ADGB: variants seen among roughly 807,000 people sequenced by gnomAD.
ADGB encodes the protein calpain-7-like protein.
ADGB carries 172 observed loss-of-function variants against 210.5 expected under a neutral mutation model. The observed-to-expected ratio is 0.82, with a 90% CI of 0.72 to 0.93. The LOEUF (loss-of-function observed/expected upper bound fraction) is 0.93. Ranked by LOEUF, ADGB falls within the 40% of genes least tolerant of loss-of-function variation. The pLI is 0.00. For missense variants in ADGB, 2,025 were observed against 1,964.8 expected (o/e 1.03, Z -0.58); for synonymous variants, 658 against 662.7 (o/e 0.99, Z 0.11).
At chr6:146,640,045 CA>C (rs1354808675) in intron 2 of ADGB, among the ~76,000 whole-genome samples, 1 of 151,698 alleles carries the variant, frequency 6.6e-6, no homozygotes, top group Non-Finnish European at 1.5e-5. Context: ...AAAGAATATC[CA>C]AATAAACACT....
chr6:146,717,164 T>C, intron 15 of ADGB, 95 bp downstream of exon 15: 1 of 1,062,854 alleles, frequency 9.4e-7, no homozygotes, highest in Non-Finnish European at 1.3e-6. Flanking sequence ...TATTTTTGCA[T>C]ATTTAATATA....
At chr6:146,651,526 G>T (rs548953923) in intron 3 of ADGB, among the ~76,000 whole-genome samples, 1 of 152,290 alleles carries the variant, frequency 6.6e-6, no homozygotes, top group African/African-American at 2.4e-5. Context: ...GGAAAACTTG[G>T]TAGGCGAAAC....
chr6:146,786,436 A>G (rs544088499), intron 32 of ADGB, among the ~76,000 whole-genome samples: 35 of 152,170 alleles, frequency 2.3e-4, no homozygotes. Flanking sequence ...ATTTTTGTAT[A>G]TTCAGGAATG....
At chr6:146,639,689 A>G (rs1481518290) in intron 2 of ADGB, 1 of 152,028 alleles carries the variant, frequency 6.6e-6, no homozygotes, top group Non-Finnish European at 1.5e-5. Context: ...AGGATGCAAA[A>G]TCAGTATACA....
intron 12 of ADGB, among the ~76,000 whole-genome samples, chr6:146,695,090 G>A (rs897655390): frequency 3.9e-5 from 6 of 152,014 alleles, no homozygotes; most frequent in Non-Finnish European, 7.4e-5. Context: ...TTACTATACT[G>A]TCTTCTAACA....
intron 1 of ADGB, among the ~76,000 whole-genome samples, chr6:146,610,720 G>A (rs1353598438): frequency 1.3e-5 from 2 of 152,124 alleles, no homozygotes; most frequent in Non-Finnish European, 2.9e-5. Flanking sequence ...TGCATTGGAG[G>A]GGCCAAGATA....
At chr6:146,808,043 A>T (rs1261724186) in intron 35 of ADGB, among the ~76,000 whole-genome samples, 5 of 118,006 alleles carry the variant, frequency 4.2e-5, no homozygotes, top group African/African-American at 1.6e-4. Flanking sequence ...TCTGTTGCCC[A>T]GGCTGGAGTG....
At chr6:146,766,459 TTAAATTAAATTAAAC>T in intron 28 of ADGB, among the ~76,000 whole-genome samples, 1 of 148,530 alleles carries the variant, frequency 6.7e-6, no homozygotes, top group South Asian at 2.1e-4. Flanking sequence ...TTAAATTAAA[TTAAATTAAATTAAAC>T]TAAATTAAAC....
At chr6:146,647,094 A>G (rs890226224) in intron 3 of ADGB, among the ~76,000 whole-genome samples, 1 of 145,018 alleles carries the variant, frequency 6.9e-6, no homozygotes, top group Non-Finnish European at 1.5e-5. Flanking sequence ...GTCTCAAAAA[A>G]AAACAAAAAA....
At chr6:146,678,538 T>C (rs989248761) in intron 9 of ADGB, among the ~76,000 whole-genome samples, 1 of 152,182 alleles carries the variant, frequency 6.6e-6, no homozygotes, top group Admixed American at 6.6e-5. Flanking sequence ...ATATTGTTTA[T>C]TGATGATTTG....
intron 33 of ADGB, among the ~76,000 whole-genome samples, chr6:146,794,439 T>C (rs1265925919): frequency 1.3e-5 from 2 of 152,226 alleles, no homozygotes; most frequent in Admixed American, 6.5e-5. Flanking sequence ...AAGTTTATCA[T>C]GATTTTGTAT....
intron 12 of ADGB, among the ~76,000 whole-genome samples, chr6:146,694,787 T>G (rs1776381963): frequency 6.6e-6 from 1 of 152,186 alleles, no homozygotes; most frequent in Non-Finnish European, 1.5e-5. Context: ...TGTAAGTTAT[T>G]TTCCAGTCCC....
At chr6:146,614,400 C>G (rs1392726661) in intron 1 of ADGB, among the ~76,000 whole-genome samples, 1 of 152,026 alleles carries the variant, frequency 6.6e-6, no homozygotes, top group Non-Finnish European at 1.5e-5. Flanking sequence ...TTACTTCTGC[C>G]CTTAGTAATC....
chr6:146,701,563 C>T (rs1375364041), intron 13 of ADGB, among the ~76,000 whole-genome samples: 2 of 151,920 alleles, frequency 1.3e-5, no homozygotes, highest in Non-Finnish European at 2.9e-5. Context: ...AGCAACGGTA[C>T]CATGATTTTT....
chr6:146,684,924 G>T (rs1191470685), intron 9 of ADGB, among the ~76,000 whole-genome samples: 1 of 151,964 alleles, frequency 6.6e-6, no homozygotes, highest in Non-Finnish European at 1.5e-5. Flanking sequence ...TCTAAGTTTG[G>T]CAGATTTTCA....
At chr6:146,732,984 G>T in intron 20 of ADGB, 136 bp from the exon 21 acceptor site, 1 of 632,962 alleles carries the variant, frequency 1.6e-6, no homozygotes, top group Non-Finnish European at 2.4e-6. Context: ...AGACTTCAAA[G>T]AATCTTCTGT....
intron 20 of ADGB, among the ~76,000 whole-genome samples, chr6:146,731,513 G>C (rs1322612103): frequency 6.6e-6 from 1 of 152,072 alleles, no homozygotes; most frequent in East Asian, 1.9e-4. Context: ...TCTCCATCCT[G>C]ATGGGTGCAG....
At chr6:146,611,427 G>A (rs1009505980) in intron 1 of ADGB, among the ~76,000 whole-genome samples, 2 of 152,194 alleles carry the variant, frequency 1.3e-5, no homozygotes, top group Middle Eastern at 3.4e-3. Context: ...GCTCCTGACA[G>A]GCTGAAGTCC....
intron 26 of ADGB, among the ~76,000 whole-genome samples, chr6:146,748,787 C>T (rs1322237693): frequency 2.0e-5 from 3 of 152,210 alleles, no homozygotes; most frequent in East Asian, 3.9e-4. Context: ...GCTATGTTGA[C>T]CAGGCTGGTC....
Sources: allele counts gnomAD v4.1 joint callset (sites outside exome capture counted in the v4.1 genomes callset), GRCh38; gene constraint gnomAD v4.1.1; transcripts MANE v1.5; gene names NCBI Gene and HGNC (gene_info 2026-07-23, HGNC 2026-07-21).